The following AHCYL2 variants were observed in gnomAD, a reference collection of about 807,000 sequenced individuals.
AHCYL2 encodes adenosylhomocysteinase like 2.
A neutral mutation model predicts 81.4 loss-of-function variants in AHCYL2; 28 were observed. The observed-to-expected ratio is 0.34, with a 90% CI of 0.25 to 0.47. AHCYL2 has a LOEUF of 0.47. AHCYL2 is among the 20% of genes least tolerant of loss of function. The pLI, the probability that AHCYL2 is intolerant of heterozygous loss-of-function variation, is 1.00. For missense variants in AHCYL2, 551 were observed against 785.1 expected (o/e 0.70, Z 3.56); for synonymous variants, 272 against 290.2 (o/e 0.94, Z 0.64).
At chr7:129,277,941 T>G (rs958502510) in intron 1 of AHCYL2, among the ~76,000 whole-genome samples, 1 of 152,216 alleles carries the variant, frequency 6.6e-6, no homozygotes, top group Admixed American at 6.5e-5. Context: ...TTGTTAAATA[T>G]CTGGAAGTGT....
intron 1 of AHCYL2, among the ~76,000 whole-genome samples, chr7:129,308,662 A>G (rs544797931): frequency 1.1e-4 from 17 of 152,318 alleles, no homozygotes; most frequent in Middle Eastern, 3.4e-3. Flanking sequence ...ATGTCTTCTC[A>G]GGAGAAGATT....
intron 11 of AHCYL2, among the ~76,000 whole-genome samples, chr7:129,411,746 T>G: frequency 7.4e-6 from 1 of 134,704 alleles, no homozygotes; most frequent in African/African-American, 2.7e-5. Flanking sequence ...GCAACAAGAG[T>G]GAAACTCCTT....
intron 1 of AHCYL2, among the ~76,000 whole-genome samples, chr7:129,335,738 G>C (rs568858252): frequency 6.6e-6 from 1 of 152,262 alleles, no homozygotes; most frequent in Admixed American, 6.5e-5. Flanking sequence ...AGATAGTCAG[G>C]TTTTTTACAT....
At chr7:129,385,481 T>C (rs1795159682) in intron 2 of AHCYL2, among the ~76,000 whole-genome samples, 1 of 152,252 alleles carries the variant, frequency 6.6e-6, no homozygotes. Flanking sequence ...AGATAGATTG[T>C]GGATTCTTGA....
intron 1 of AHCYL2, among the ~76,000 whole-genome samples, chr7:129,264,212 G>A (rs1055589100): frequency 1.3e-5 from 2 of 152,042 alleles, no homozygotes; most frequent in South Asian, 2.1e-4. Context: ...TAGTAGAGAC[G>A]GGGTTTCACC....
chr7:129,389,499 T>A, intron 3 of AHCYL2, 135 bp from the exon 4 acceptor site: 1 of 777,266 alleles, frequency 1.3e-6, no homozygotes. Context: ...AGGTTTAATG[T>A]CTTGATCCCT....
At chr7:129,248,481 GT>G (rs1175943330) in intron 1 of AHCYL2, among the ~76,000 whole-genome samples, 1 of 147,258 alleles carries the variant, frequency 6.8e-6, no homozygotes, top group African/African-American at 2.5e-5. Context: ...ACTTTTTATT[GT>G]TGTGTTGTTA....
At chr7:129,325,864 C>A (rs1440999724) in intron 1 of AHCYL2, among the ~76,000 whole-genome samples, 1 of 152,018 alleles carries the variant, frequency 6.6e-6, no homozygotes, top group Non-Finnish European at 1.5e-5. Context: ...TGCCACTACG[C>A]CTGGCTAATT....
At chr7:129,316,542 C>T (rs539292116) in intron 1 of AHCYL2, among the ~76,000 whole-genome samples, 7 of 152,246 alleles carry the variant, frequency 4.6e-5, no homozygotes, top group African/African-American at 1.4e-4. Context: ...AGTTCTTTCT[C>T]TGGAGAAATG....
At chr7:129,264,231 C>T (rs201795110) in intron 1 of AHCYL2, among the ~76,000 whole-genome samples, 1 of 152,104 alleles carries the variant, frequency 6.6e-6, no homozygotes, top group African/African-American at 2.4e-5. Flanking sequence ...CCTTGTTAGC[C>T]AGGATGGTCT....
chr7:129,242,466 C>T lies in AHCYL2; in HGVS notation c.363+17027C>T, dbSNP rs1398114448. ...GGTGCAGTGGCTCACGCCTATAATC[C>T]CAGCACTTTGGGAGGCCAAGGGGGG... On this transcript the variant is annotated intron_variant, in intron 1 of 16. Coordinates refer to ENST00000325006, the MANE Select transcript of AHCYL2 (RefSeq NM_015328.4). Among the ~76,000 whole-genome samples, 4 of 152,014 alleles carry T rather than the reference C, an allele frequency of 2.6e-5. No homozygotes were observed. In the South Asian group the frequency reaches 6.2e-4, roughly 24 times the overall value.
In AHCYL2 at chr7:129,266,290, G is replaced by A. The variant is rs1795808823; in HGVS notation, c.363+40851G>A. On this transcript the variant is annotated intron_variant, in intron 1 of 16. Coordinates refer to ENST00000325006, the MANE Select transcript of AHCYL2 (RefSeq NM_015328.4). ...AATTGACTTTGTTCAATTGACTTAAGCAAAAAAGGTAGTGGATGAGAAGGA... is the reference window on the plus strand; with the variant it reads ...AATTGACTTTGTTCAATTGACTTAAACAAAAAAGGTAGTGGATGAGAAGGA... Among the ~76,000 whole-genome samples the A allele has an allele frequency of 2.6e-5, 4 of 152,268 alleles. No individual in the cohort carries two copies. In the South Asian group the frequency reaches 8.3e-4, roughly 32 times the overall value.
rs374671976 is a variant in AHCYL2 at position 129,409,460 on chromosome 7, T to C, written c.1296-16T>C. 1.6e-5 allele frequency: 26 copies of C among 1,612,206 alleles called. No individual in the cohort carries two copies. The highest frequency in any genetic ancestry group is 2.2e-5 in the Non-Finnish European group (26 of 1,178,930). ...GCTGCCTGTTTAGGTTAATGGGTCA[T>C]GCTTTATTTCAACAGTATGGATGGA... On this transcript the variant is annotated splice_polypyrimidine_tract_variant and intron_variant, in intron 10 of 16. Coordinates refer to ENST00000325006, the MANE Select transcript of AHCYL2 (RefSeq NM_015328.4).
At chr7:129,271,507 A>G (rs1264798984) in intron 1 of AHCYL2, among the ~76,000 whole-genome samples, 1 of 152,200 alleles carries the variant, frequency 6.6e-6, no homozygotes, top group Non-Finnish European at 1.5e-5. Flanking sequence ...ATGGAAATGA[A>G]TAAATTGCTG....
At chr7:129,225,500 C>G in intron 1 of AHCYL2, 61 bp downstream of exon 1, 1 of 1,426,978 alleles carries the variant, frequency 7.0e-7, no homozygotes, top group Non-Finnish European at 9.1e-7. Context: ...TGCAGATCCT[C>G]TCGGCACGGC....
intron 1 of AHCYL2, among the ~76,000 whole-genome samples, chr7:129,260,057 C>T (rs1185382244): frequency 6.9e-6 from 1 of 145,026 alleles, no homozygotes; most frequent in African/African-American, 2.6e-5. Flanking sequence ...GCCTGGGCAA[C>T]GTGAGTGAAA....
At position 129,419,717 on chromosome 7, in the gene AHCYL2, TAC is replaced by T. The variant is rs1003383748; in HGVS notation, c.1462-3121_1462-3120del. The stretch of plus-strand genomic sequence containing the variant: ...ACTTTGTGCTTTACAGGACTAGAAC[TAC>T]AGTTGTTCTCCCTGAAAAAAAAAAA... On this transcript the variant is annotated intron_variant, in intron 12 of 16. Coordinates refer to ENST00000325006, the MANE Select transcript of AHCYL2 (RefSeq NM_015328.4). This position sits in a 1 kb window ranked among gnomAD's most constrained non-coding sequence, Gnocchi z 4.7. 3.3e-5 allele frequency among the ~76,000 whole-genome samples: 5 copies of T among 150,322 alleles called. No homozygotes were observed. The highest frequency in any genetic ancestry group is 7.4e-5 in the Non-Finnish European group (5 of 67,724).
chr7:129,353,507 C>A (rs35730873), intron 1 of AHCYL2, among the ~76,000 whole-genome samples: 4,229 of 151,768 alleles, frequency 0.028, 85 homozygotes, highest in Admixed American at 0.057. Context: ...CTTATTTAGC[C>A]TCTTGGTCAT....
At chr7:129,374,190 GTCT>G (rs1449721651) in intron 1 of AHCYL2, among the ~76,000 whole-genome samples, 1 of 152,108 alleles carries the variant, frequency 6.6e-6, no homozygotes, top group African/African-American at 2.4e-5. Context: ...AGGACCTTTG[GTCT>G]TCTGATTAAT....
Sources: allele counts gnomAD v4.1 joint callset (sites outside exome capture counted in the v4.1 genomes callset), GRCh38; gene constraint gnomAD v4.1.1; non-coding constraint Gnocchi (gnomAD v3.1); transcripts MANE v1.5; gene names NCBI Gene and HGNC (gene_info 2026-07-23, HGNC 2026-07-21).